The following KIF16B variants were observed in gnomAD, a reference collection of about 807,000 sequenced individuals.
The protein encoded by KIF16B is kinesin-like protein KIF16B.
Under a neutral mutation model 156.3 loss-of-function variants are expected in KIF16B, and 98 were observed. That is an observed-to-expected ratio of 0.63 (90% CI 0.53 to 0.74). The LOEUF (loss-of-function observed/expected upper bound fraction) is 0.74, where lower values mean the gene tolerates loss of function less well. Ranked by LOEUF, KIF16B falls within the 30% of genes least tolerant of loss-of-function variation. KIF16B has a pLI of 0.00. For missense variants in KIF16B, 1,421 were observed against 1,606.5 expected (o/e 0.88, Z 1.97); for synonymous variants, 564 against 583.7 (o/e 0.97, Z 0.49).
chr20:16,429,776 G>T (rs1226032723), intron 13 of KIF16B, 87 bp downstream of exon 13: 2 of 1,142,646 alleles, frequency 1.8e-6, no homozygotes, highest in East Asian at 2.6e-5. Context: ...TTGTGTTCAT[G>T]ACCATAGAAT....
chr20:16,431,210 G>A (rs539161370), intron 12 of KIF16B, among the ~76,000 whole-genome samples: 19 of 152,010 alleles, frequency 1.2e-4, no homozygotes, highest in Non-Finnish European at 2.1e-4. Context: ...TGATAATCTG[G>A]GCCACCACTC....
chr20:16,318,239 A>T (rs1426287645), intron 24 of KIF16B, among the ~76,000 whole-genome samples: 2 of 152,154 alleles, frequency 1.3e-5, no homozygotes, highest in Non-Finnish European at 2.9e-5. Context: ...GGTGACATTG[A>T]ATGAAACATA....
At chr20:16,485,096 CTTTCT>C (rs768023750) in intron 12 of KIF16B, among the ~76,000 whole-genome samples, 2 of 152,098 alleles carry the variant, frequency 1.3e-5, no homozygotes, top group Non-Finnish European at 2.9e-5. Flanking sequence ...TGGGGTTATC[CTTTCT>C]TGCCATTCTT....
At chr20:16,369,027 A>G in intron 22 of KIF16B, 4 of 985,830 alleles carry the variant, frequency 4.1e-6, no homozygotes, top group Non-Finnish European at 4.8e-6. Context: ...CAGGATGACC[A>G]TATTTGTTTT....
intron 23 of KIF16B, among the ~76,000 whole-genome samples, chr20:16,343,822 A>G (rs187185533): frequency 1.2e-3 from 190 of 152,300 alleles, no homozygotes; most frequent in African/African-American, 4.1e-3. Flanking sequence ...TGGAGTATGG[A>G]AATAAACTAT....
intron 25 of KIF16B, among the ~76,000 whole-genome samples, chr20:16,287,081 T>G (rs188292437): frequency 5.3e-5 from 8 of 152,330 alleles, no homozygotes; most frequent in Non-Finnish European, 8.8e-5. Context: ...GGTGGTTGTT[T>G]TTAAGGTGCC....
intron 3 of KIF16B, among the ~76,000 whole-genome samples, chr20:16,522,582 C>T (rs1024166660): frequency 6.6e-6 from 1 of 152,158 alleles, no homozygotes; most frequent in Non-Finnish European, 1.5e-5. Flanking sequence ...GAGACTTTAA[C>T]ACCCCACTGT....
intron 14 of KIF16B, among the ~76,000 whole-genome samples, chr20:16,427,534 C>T (rs914119331): frequency 6.6e-6 from 1 of 152,122 alleles, no homozygotes; most frequent in South Asian, 2.1e-4. Context: ...AGAAAACAGT[C>T]GAGTAACTTG....
chr20:16,495,464 G>A (rs1432536081), intron 11 of KIF16B, among the ~76,000 whole-genome samples: 1 of 152,176 alleles, frequency 6.6e-6, no homozygotes, highest in East Asian at 1.9e-4. Flanking sequence ...TATCCAAGAG[G>A]AAAACCAAAA....
chr20:16,368,590 T>G (rs1479788880), intron 22 of KIF16B: 1 of 985,806 alleles, frequency 1.0e-6, no homozygotes, highest in Non-Finnish European at 1.2e-6. Flanking sequence ...GAACTTGTGG[T>G]AAAAATATCC....
chr20:16,355,757 T>C (rs2064427694), intron 23 of KIF16B, among the ~76,000 whole-genome samples: 1 of 152,166 alleles, frequency 6.6e-6, no homozygotes, highest in African/African-American at 2.4e-5. Flanking sequence ...CCTGAAAAGT[T>C]GTATAAATCA....
chr20:16,472,553 TAAAAAAAAA>T (rs11318601), intron 12 of KIF16B, among the ~76,000 whole-genome samples: 2 of 113,562 alleles, frequency 1.8e-5, no homozygotes, highest in Non-Finnish European at 3.5e-5. Context: ...CATCTGAAAT[TAAAAAAAAA>T]AAAAAAAAAA....
chr20:16,531,098 C>T (rs1399820287), intron 1 of KIF16B, among the ~76,000 whole-genome samples: 1 of 152,120 alleles, frequency 6.6e-6, no homozygotes, highest in Non-Finnish European at 1.5e-5. Context: ...CAGGAACCAA[C>T]CTGCATAAGT....
intron 11 of KIF16B, among the ~76,000 whole-genome samples, 157 bp from the exon 12 acceptor site, chr20:16,494,507 C>CA (rs1428193965): frequency 3.3e-5 from 5 of 152,128 alleles, no homozygotes; most frequent in Non-Finnish European, 7.4e-5. Context: ...AAAGATAAAT[C>CA]AAACAAGCTG....
intron 24 of KIF16B, among the ~76,000 whole-genome samples, chr20:16,322,369 A>G (rs181288518): frequency 6.6e-6 from 1 of 152,106 alleles, no homozygotes; most frequent in African/African-American, 2.4e-5. Flanking sequence ...TTGGTTGAAA[A>G]ATAGATCTAT....
intron 24 of KIF16B, among the ~76,000 whole-genome samples, chr20:16,318,882 C>T (rs959894762): frequency 3.9e-5 from 6 of 152,120 alleles, no homozygotes; most frequent in Non-Finnish European, 5.9e-5. Context: ...TGACTTCCTT[C>T]CAAATAATAC....
At chr20:16,370,307 G>T (rs777098788) in intron 22 of KIF16B, among the ~76,000 whole-genome samples, 1 of 152,122 alleles carries the variant, frequency 6.6e-6, no homozygotes, top group Non-Finnish European at 1.5e-5. Flanking sequence ...ATATAATTCT[G>T]CCTTTTAAAT....
intron 12 of KIF16B, among the ~76,000 whole-genome samples, chr20:16,456,321 C>T (rs2067211622): frequency 6.6e-6 from 1 of 152,150 alleles, no homozygotes; most frequent in African/African-American, 2.4e-5. Context: ...TTCTGAAATT[C>T]ACATGACATT....
At position 16,374,196 on chromosome 20, in the gene KIF16B, A is replaced by C. The variant is rs900249133; in HGVS notation, c.3350+61T>G. 2.0e-5 allele frequency: 29 copies of C among 1,422,308 alleles called. 1 individual carries two copies. In the South Asian group the frequency reaches 4.9e-4, roughly 24 times the overall value. 88.1% of individuals were successfully genotyped at this position (1,422,308 alleles called of 1,614,324 possible). A position where few individuals can be genotyped will look rare whatever the true frequency, so the allele number is the denominator to read the frequency against. On this transcript the variant is annotated intron_variant, in intron 20 of 25. Transcript: ENST00000354981. Reference sequence around the variant, plus strand: ...CCAGATACAAAGTAGTTCAACAGAGAAACAATGAGTCCTTGAGTCACATCA... The same window carrying C: ...CCAGATACAAAGTAGTTCAACAGAGCAACAATGAGTCCTTGAGTCACATCA...
Sources: gnomAD v4.1 joint callset for allele counts (sites outside exome capture counted in the v4.1 genomes callset) on GRCh38, gnomAD v4.1.1 for gene constraint, MANE v1.5 for transcripts, NCBI Gene and HGNC (gene_info 2026-07-23, HGNC 2026-07-21) for gene names.